SV2C: variants seen among roughly 807,000 people sequenced by gnomAD.
SV2C encodes the protein solute carrier family 22 member B3.
Under a neutral mutation model 79.7 loss-of-function variants are expected in SV2C, and 49 were observed. The ratio of observed to expected loss-of-function variants is 0.61; its 90% CI spans 0.49 to 0.78. The LOEUF (loss-of-function observed/expected upper bound fraction) is 0.78, where lower values mean the gene tolerates loss of function less well. Ranked by LOEUF, SV2C falls within the 30% of genes least tolerant of loss-of-function variation. The pLI is 0.00. For missense variants in SV2C, 833 were observed against 912.9 expected (o/e 0.91, Z 1.13); for synonymous variants, 334 against 333.2 (o/e 1.00, Z -0.03).
At chr5:75,871,822 T>A in the SV2C span, among the ~76,000 whole-genome samples, 2 of 130,610 alleles carry the variant, frequency 1.5e-5, no homozygotes, top group Non-Finnish European at 3.1e-5. Context: ...TATAAATATA[T>A]ATATATATAT....
chr5:76,173,992 A>ATC (rs753465904), intron 2 of SV2C: 20 of 1,558,520 alleles, frequency 1.3e-5, no homozygotes, highest in Non-Finnish European at 1.8e-5. Flanking sequence ...TCATTGCTGT[A>ATC]AATTGCTCCG....
At chr5:76,349,930 T>C (rs947950917) in intron 12 of SV2C, among the ~76,000 whole-genome samples, 4 of 152,170 alleles carry the variant, frequency 2.6e-5, no homozygotes, top group South Asian at 2.1e-4. Flanking sequence ...AGACTTGCTA[T>C]AGCAAGTACA....
intron 1 of SV2C, 97 bp from the exon 2 acceptor site, chr5:76,131,553 A>T: frequency 5.3e-6 from 2 of 375,104 alleles, no homozygotes; most frequent in Non-Finnish European, 9.4e-6. Context: ...TCTGTGTTGT[A>T]GTTTGTGGGA....
chr5:75,913,028 C>T, the SV2C span, among the ~76,000 whole-genome samples: 1 of 152,170 alleles, frequency 6.6e-6, no homozygotes, highest in African/African-American at 2.4e-5. Flanking sequence ...GAATGGCCCT[C>T]ATTCATGGCA....
chr5:76,000,372 G>A, the SV2C span, among the ~76,000 whole-genome samples: 8 of 152,212 alleles, frequency 5.3e-5, no homozygotes, highest in East Asian at 1.5e-3. Context: ...ATTCCTACCT[G>A]GGATATTCCC....
the SV2C span, among the ~76,000 whole-genome samples, chr5:76,048,858 G>A: frequency 6.8e-6 from 1 of 147,174 alleles, no homozygotes; most frequent in Non-Finnish European, 1.5e-5. Context: ...AGAAAGGAAG[G>A]GGGTGAGAGA....
the SV2C span, among the ~76,000 whole-genome samples, chr5:75,932,139 A>G: frequency 0.037 from 5,592 of 152,294 alleles, 336 homozygotes; most frequent in African/African-American, 0.13. Context: ...CTGTTGGTAG[A>G]TGTCTTCAAC....
the SV2C span, among the ~76,000 whole-genome samples, chr5:76,028,135 CGCATCATG>C: frequency 6.6e-6 from 1 of 152,184 alleles, no homozygotes; most frequent in African/African-American, 2.4e-5. Flanking sequence ...TGTCCCTCCC[CGCATCATG>C]GCTTGGAAAC....
upstream of SV2C, chr5:76,079,153 C>A: frequency 2.9e-6 from 1 of 340,274 alleles, no homozygotes; most frequent in South Asian, 3.2e-5. Flanking sequence ...TGGAAATATT[C>A]TCATCCTTAG....
the SV2C span, chr5:75,920,995 G>A: frequency 3.5e-5 from 25 of 705,322 alleles, no homozygotes; most frequent in Middle Eastern, 3.9e-4. Flanking sequence ...TGTGCTCCCC[G>A]TGCGAGTCCT....
chr5:76,022,105 C>T, the SV2C span, among the ~76,000 whole-genome samples: 1 of 152,180 alleles, frequency 6.6e-6, no homozygotes, highest in Admixed American at 6.6e-5. Context: ...GCTTACAGCA[C>T]TCTTCTGCCT....
At chr5:76,279,235 A>C (rs1419658430) in intron 4 of SV2C, among the ~76,000 whole-genome samples, 1 of 152,198 alleles carries the variant, frequency 6.6e-6, no homozygotes, top group Non-Finnish European at 1.5e-5. Context: ...ATCTCTGTGA[A>C]GATGTAAGTA....
the SV2C span, among the ~76,000 whole-genome samples, chr5:75,943,528 T>G: frequency 1.3e-5 from 2 of 152,200 alleles, no homozygotes; most frequent in Non-Finnish European, 2.9e-5. Flanking sequence ...CTATCCTGTT[T>G]GCTCAACAAG....
intron 4 of SV2C, among the ~76,000 whole-genome samples, chr5:76,223,883 G>C (rs767318396): frequency 6.6e-6 from 1 of 151,824 alleles, no homozygotes; most frequent in Admixed American, 6.6e-5. Context: ...TTGGCTTCTG[G>C]CCACCTTCTT....
intron 3 of SV2C, among the ~76,000 whole-genome samples, chr5:76,201,053 C>G (rs1744425231): frequency 6.6e-6 from 1 of 152,198 alleles, no homozygotes; most frequent in Admixed American, 6.5e-5. Flanking sequence ...CTTAGAAACA[C>G]AAATATGTCC....
intron 1 of SV2C, among the ~76,000 whole-genome samples, chr5:76,084,825 G>C (rs147864014): frequency 5.3e-5 from 8 of 151,912 alleles, no homozygotes; most frequent in Admixed American, 2.0e-4. Flanking sequence ...CGGGGCAGAG[G>C]GGGGCGGGAG....
rs13153247 is a variant in SV2C, at chr5:76,209,789, G to T, written c.815G>T (p.Arg272Leu). The change falls in exon 4 of 13, where the codon CGG (arginine) becomes CTG (leucine). Residue 272 changes from arginine to leucine, a missense_variant. Physicochemically the swap from Arg to Leu is moderately radical, Grantham distance 102. Coordinates refer to ENST00000502798, the MANE Select transcript of SV2C (RefSeq NM_014979.4). ...VFSYFAEVLA[R>L]EKRGEHLSWL... ...TCGTACTTTGCTGAAGTCCTGGCCC[G>T]GGAAAAGCGGGGCGAACACTTGAGC... 1.2e-6 allele frequency: 2 copies of T among 1,614,202 alleles called. No individual in the cohort carries two copies. The highest frequency in any genetic ancestry group is 1.7e-6 in the Non-Finnish European group (2 of 1,180,036).
intron 2 of SV2C, among the ~76,000 whole-genome samples, chr5:76,176,924 G>T (rs1465106256): frequency 6.6e-6 from 1 of 151,996 alleles, no homozygotes; most frequent in African/African-American, 2.4e-5. Context: ...GACCATCCTG[G>T]CTAACATGAT....
At chr5:75,880,542 A>G in the SV2C span, among the ~76,000 whole-genome samples, 3 of 152,224 alleles carry the variant, frequency 2.0e-5, no homozygotes, top group Admixed American at 2.0e-4. Flanking sequence ...GTTCTTTGCT[A>G]TGGCATAACA....
Sources: allele counts gnomAD v4.1 joint callset (sites outside exome capture counted in the v4.1 genomes callset), GRCh38; gene constraint gnomAD v4.1.1; transcripts MANE v1.5; gene names NCBI Gene and HGNC (gene_info 2026-07-23, HGNC 2026-07-21).